Variants in RPS6KC1 observed in about 807,000 individuals in gnomAD.
The protein encoded by RPS6KC1 is ribosomal protein S6 kinase C1, also known as inactive ribosomal protein S6 kinase delta-1.
RPS6KC1 carries 54 observed loss-of-function variants against 103.8 expected under a neutral mutation model. That is an observed-to-expected ratio of 0.52 (90% CI 0.42 to 0.65). The LOEUF is 0.65. Among genes scored for constraint, RPS6KC1 ranks in the 30% least tolerant of loss-of-function variants. The probability of loss-of-function intolerance (pLI) is 0.00; values close to 1 mark genes in which losing one functional copy is unlikely to be tolerated. For missense variants in RPS6KC1, 1,151 were observed against 1,253.8 expected (o/e 0.92, Z 1.24); for synonymous variants, 439 against 438.7 (o/e 1.00, Z -0.01).
At chr1:213,310,418 G>C in the RPS6KC1 span, among the ~76,000 whole-genome samples, 7 of 151,992 alleles carry the variant, frequency 4.6e-5, no homozygotes, top group Admixed American at 3.9e-4. Flanking sequence ...CCCTTAGCAC[G>C]CTTCCTGCTC....
chr1:213,549,337 C>A, the RPS6KC1 span, among the ~76,000 whole-genome samples: 1 of 152,054 alleles, frequency 6.6e-6, no homozygotes, highest in Non-Finnish European at 1.5e-5. Context: ...GGCTCTTGGA[C>A]CAGCAAGGAT....
the RPS6KC1 span, among the ~76,000 whole-genome samples, chr1:213,442,530 T>C: frequency 6.6e-6 from 1 of 152,252 alleles, no homozygotes; most frequent in South Asian, 2.1e-4. Flanking sequence ...TGGACAGAGC[T>C]ACTCAACTAT....
chr1:213,125,922 T>A (rs2084940576), intron 5 of RPS6KC1: 1 of 152,080 alleles, frequency 6.6e-6, no homozygotes, highest in South Asian at 2.1e-4. Context: ...TTTGCCCGCT[T>A]GCCCTTTGGT....
At chr1:213,491,605 G>T in the RPS6KC1 span, among the ~76,000 whole-genome samples, 1 of 152,158 alleles carries the variant, frequency 6.6e-6, no homozygotes, top group African/African-American at 2.4e-5. Flanking sequence ...GGAGCAAGGC[G>T]TTGCCTTTGA....
At chr1:213,084,978 C>T (rs1030923831) in intron 3 of RPS6KC1, among the ~76,000 whole-genome samples, 1 of 152,118 alleles carries the variant, frequency 6.6e-6, no homozygotes, top group Non-Finnish European at 1.5e-5. Context: ...CAAGCTTTTC[C>T]ACTGTGTTAG....
chr1:213,840,302 A>T, the RPS6KC1 span: 1 of 152,140 alleles, frequency 6.6e-6, no homozygotes, highest in Non-Finnish European at 1.5e-5. Context: ...CCCTGTCAAA[A>T]CTTTAAGTTT....
chr1:213,578,655 G>A, the RPS6KC1 span, among the ~76,000 whole-genome samples: 1 of 150,622 alleles, frequency 6.6e-6, no homozygotes, highest in Admixed American at 6.5e-5. Flanking sequence ...CTGGATTTTG[G>A]ACTTGCATGG....
chr1:213,118,073 A>G (rs1283325823), intron 5 of RPS6KC1, among the ~76,000 whole-genome samples: 1 of 146,146 alleles, frequency 6.8e-6, no homozygotes, highest in Non-Finnish European at 1.5e-5. Flanking sequence ...TCTGACTTTT[A>G]GAGAACTAAT....
At chr1:213,132,523 A>C (rs918538106) in intron 6 of RPS6KC1, among the ~76,000 whole-genome samples, 10 of 152,214 alleles carry the variant, frequency 6.6e-5, no homozygotes, top group African/African-American at 2.2e-4. Flanking sequence ...CTAGCATACT[A>C]GTCACCACCT....
At chr1:213,731,773 G>A in the RPS6KC1 span, among the ~76,000 whole-genome samples, 1 of 152,124 alleles carries the variant, frequency 6.6e-6, no homozygotes, top group Non-Finnish European at 1.5e-5. Flanking sequence ...AGAATGTTTA[G>A]TGGAATATGA....
At chr1:213,144,878 C>T (rs1327629022) in intron 6 of RPS6KC1, among the ~76,000 whole-genome samples, 1 of 151,906 alleles carries the variant, frequency 6.6e-6, no homozygotes, top group East Asian at 1.9e-4. Flanking sequence ...AGATCGAGAC[C>T]ATCCTGGCCA....
At chr1:213,530,261 C>T in the RPS6KC1 span, among the ~76,000 whole-genome samples, 1 of 152,116 alleles carries the variant, frequency 6.6e-6, no homozygotes, top group South Asian at 2.1e-4. Context: ...CAGGATTTTG[C>T]CTGTGCATTT....
chr1:213,179,298 C>A (rs1204507616), intron 8 of RPS6KC1, among the ~76,000 whole-genome samples: 1 of 151,134 alleles, frequency 6.6e-6, no homozygotes, highest in African/African-American at 2.4e-5. Context: ...GCCTGTAATC[C>A]CAGCTACTCG....
At chr1:213,512,343 G>A in the RPS6KC1 span, among the ~76,000 whole-genome samples, 5 of 152,276 alleles carry the variant, frequency 3.3e-5, no homozygotes, top group African/African-American at 4.8e-5. Context: ...TACGATTGCC[G>A]CCTCCACACG....
At chr1:213,154,251 C>G (rs115723022) in intron 6 of RPS6KC1, among the ~76,000 whole-genome samples, 1 of 152,246 alleles carries the variant, frequency 6.6e-6, no homozygotes, top group Non-Finnish European at 1.5e-5. Flanking sequence ...TATAGCCACT[C>G]CCTGGCTACT....
At chr1:213,481,659 T>C in the RPS6KC1 span, among the ~76,000 whole-genome samples, 1 of 152,194 alleles carries the variant, frequency 6.6e-6, no homozygotes, top group African/African-American at 2.4e-5. Context: ...CATGTTATTT[T>C]AGTTTGGGTC....
chr1:213,118,782 G>C (rs1035642761), intron 5 of RPS6KC1, among the ~76,000 whole-genome samples: 2 of 151,968 alleles, frequency 1.3e-5, no homozygotes, highest in Non-Finnish European at 2.9e-5. Flanking sequence ...ACATGCCCAG[G>C]GGTCTTCACT....
the RPS6KC1 span, among the ~76,000 whole-genome samples, chr1:213,730,885 C>A: frequency 6.6e-6 from 1 of 152,060 alleles, no homozygotes; most frequent in South Asian, 2.1e-4. Flanking sequence ...AGGTTGTTTT[C>A]CAGGGTTTTG....
chr1:213,412,711 G>A, the RPS6KC1 span, among the ~76,000 whole-genome samples: 1 of 152,198 alleles, frequency 6.6e-6, no homozygotes, highest in Non-Finnish European at 1.5e-5. Flanking sequence ...GTGGCCAGGG[G>A]CCACTGGCCT....
Sources: gnomAD v4.1 joint callset for allele counts (sites outside exome capture counted in the v4.1 genomes callset) on GRCh38, gnomAD v4.1.1 for gene constraint, MANE v1.5 for transcripts, NCBI Gene and HGNC (gene_info 2026-07-23, HGNC 2026-07-21) for gene names.